The following ATPAF1 variants were observed in gnomAD, a reference collection of about 807,000 sequenced individuals.
ATPAF1 encodes the protein homolog of yeast ATP11.
ATPAF1 carries 26 observed loss-of-function variants against 43.9 expected under a neutral mutation model. The observed-to-expected ratio is 0.59, with a 90% CI of 0.43 to 0.82. ATPAF1 has a LOEUF of 0.82. Among genes scored for constraint, ATPAF1 ranks in the 40% least tolerant of loss-of-function variants. The pLI is 0.00. For synonymous variants in ATPAF1, 157 were observed against 168.0 expected, an observed-to-expected ratio of 0.93 and a Z score of 0.50; for missense variants, 366 against 435.0, an observed-to-expected ratio of 0.84 and a Z score of 1.41.
intron 6 of ATPAF1, among the ~76,000 whole-genome samples, chr1:46,651,889 C>G (rs570523931): frequency 1.4e-4 from 22 of 152,244 alleles, no homozygotes; most frequent in Non-Finnish European, 2.8e-4. Context: ...ACAGACACTT[C>G]TCAAAAGAAG....
intron 2 of ATPAF1, chr1:46,663,891 C>CCT: frequency 7.8e-7 from 1 of 1,280,982 alleles, no homozygotes. Context: ...CTGGCGCTGG[C>CCT]CTCTCCTACA....
At chr1:46,645,744 G>C (rs1055888468) in intron 6 of ATPAF1, among the ~76,000 whole-genome samples, 4 of 152,208 alleles carry the variant, frequency 2.6e-5, no homozygotes, top group African/African-American at 9.6e-5. Context: ...GAAAGCATCA[G>C]AAATACAATT....
chr1:46,665,839 CAGA>C, intron 1 of ATPAF1: 2 of 1,427,638 alleles, frequency 1.4e-6, no homozygotes, highest in Non-Finnish European at 1.8e-6. Context: ...GCCTATTTTG[CAGA>C]AGATTTAGCA....
chr1:46,637,162 A>G (rs1291437359), intron 8 of ATPAF1, among the ~76,000 whole-genome samples: 1 of 152,236 alleles, frequency 6.6e-6, no homozygotes, highest in Non-Finnish European at 1.5e-5. Flanking sequence ...GAAGGGCAGT[A>G]GCAGAGAAAT....
intron 4 of ATPAF1, among the ~76,000 whole-genome samples, chr1:46,654,438 AAAT>A (rs1676225705): frequency 6.6e-6 from 1 of 152,100 alleles, no homozygotes; most frequent in Non-Finnish European, 1.5e-5. Context: ...TAAACACTAC[AAAT>A]AATGTTAGCT....
intron 6 of ATPAF1, chr1:46,652,307 T>C (rs1676186405): frequency 3.2e-6 from 1 of 309,796 alleles, no homozygotes; most frequent in Non-Finnish European, 6.0e-6. Context: ...AGGGCTGATG[T>C]GGTAGGGAGC....
chr1:46,639,680 AG>A (rs954599371), intron 8 of ATPAF1, among the ~76,000 whole-genome samples: 2 of 152,250 alleles, frequency 1.3e-5, no homozygotes, highest in Non-Finnish European at 2.9e-5. Context: ...ATGAGTATAC[AG>A]GGGATCATAT....
chr1:46,653,783 G>C lies in ATPAF1; in HGVS notation c.540+34C>G, dbSNP rs760153942. 5 of 1,597,334 alleles carry C rather than the reference G, an allele frequency of 3.1e-6. No homozygotes were observed. In the African/African-American group the frequency reaches 4.0e-5, roughly 13 times the overall value. On this transcript the variant is annotated intron_variant, in intron 5 of 8. Transcript: ENST00000574428. The surrounding 1 kb of genome is among the most constrained non-coding windows in gnomAD (Gnocchi z 4.8). Reference sequence around the variant, plus strand: ...AGGTTAGAGAACTGACTTTCATGTTGTAACACTTTCACTTTGCCCTCCAAA... The same window carrying C: ...AGGTTAGAGAACTGACTTTCATGTTCTAACACTTTCACTTTGCCCTCCAAA...
intron 4 of ATPAF1, among the ~76,000 whole-genome samples, chr1:46,654,589 C>T (rs1676232459): frequency 1.3e-5 from 2 of 149,688 alleles, no homozygotes; most frequent in South Asian, 4.2e-4. Context: ...TACATGTGTA[C>T]AACATGCAGG....
At chr1:46,651,583 C>A (rs1362138735) in intron 6 of ATPAF1, among the ~76,000 whole-genome samples, 3 of 151,928 alleles carry the variant, frequency 2.0e-5, no homozygotes, top group Non-Finnish European at 4.4e-5. Flanking sequence ...ACACTGACTT[C>A]CACAATGGTT....
Position 46,668,020 on chromosome 1 carries a change from C to A in ATPAF1, c.266+37G>T. 2 of 1,334,386 alleles carry A rather than the reference C, an allele frequency of 1.5e-6. No individual in the cohort carries two copies. The highest frequency in any genetic ancestry group is 2.1e-5 in the South Asian group (1 of 48,336). The allele number at this position is 1,334,386 out of a possible 1,614,324, so 82.7% of individuals were successfully genotyped here. On this transcript the variant is annotated intron_variant, in intron 1 of 8. Transcript: ENST00000574428. This position sits in a 1 kb window ranked among gnomAD's most constrained non-coding sequence, Gnocchi z 4.4. ...CAGCAGCCCGGGCCGCCCCTCCTCC[C>A]GCCTCCTGCCCGCCTCCAGCCAACC...
At chr1:46,646,041 T>C (rs972996737) in intron 6 of ATPAF1, among the ~76,000 whole-genome samples, 3 of 152,078 alleles carry the variant, frequency 2.0e-5, no homozygotes, top group African/African-American at 7.2e-5. Context: ...CCAGGTGTGG[T>C]GGCATGTGCC....
chr1:46,654,839 C>T (rs1393122582), intron 4 of ATPAF1, among the ~76,000 whole-genome samples: 1 of 152,024 alleles, frequency 6.6e-6, no homozygotes, highest in East Asian at 1.9e-4. Flanking sequence ...TGGTTTCCAG[C>T]TTCATCCATG....
intron 2 of ATPAF1, among the ~76,000 whole-genome samples, chr1:46,664,317 A>G (rs1278484621): frequency 6.6e-6 from 1 of 152,224 alleles, no homozygotes; most frequent in Non-Finnish European, 1.5e-5. Context: ...AACTCTGTGA[A>G]GTAGGTACTG....
At chr1:46,633,393 G>C, downstream of ATPAF1, 1 of 213,642 alleles carries the variant, frequency 4.7e-6, no homozygotes, top group Non-Finnish European at 9.2e-6. Context: ...CTATGAGGTA[G>C]ATATTATTAT....
chr1:46,653,976 G>C lies in ATPAF1; in HGVS notation c.490-109C>G. On this transcript the variant is annotated intron_variant, in intron 4 of 8. Coordinates refer to ENST00000574428, the Ensembl canonical transcript of ATPAF1. The surrounding 1 kb of genome is among the most constrained non-coding windows in gnomAD (Gnocchi z 4.8). ...CAGAGGAATATGCTATTTGATAACAGAGAGGAAAAACCCAGTATAACGCTT... is the reference window on the plus strand; with the variant it reads ...CAGAGGAATATGCTATTTGATAACACAGAGGAAAAACCCAGTATAACGCTT... The C allele has an allele frequency of 1.0e-6, 1 of 1,001,702 alleles. No homozygotes were observed. Among genetic ancestry groups the C allele is most frequent in the Non-Finnish European group, 1.5e-6 (1 of 676,660 alleles). 62.1% of individuals were successfully genotyped at this position (1,001,702 alleles called of 1,614,324 possible). A position where few individuals can be genotyped will look rare whatever the true frequency, so the allele number is the denominator to read the frequency against.
upstream of ATPAF1, chr1:46,668,375 C>T: frequency 2.4e-6 from 3 of 1,259,644 alleles, no homozygotes; most frequent in Non-Finnish European, 3.0e-6. This position sits in a 1 kb window ranked among gnomAD's most constrained non-coding sequence, Gnocchi z 4.4. Flanking sequence ...GGCCCGCGGC[C>T]CGCGCGCCCG....
chr1:46,660,864 C>A (rs991648830), intron 2 of ATPAF1, among the ~76,000 whole-genome samples: 1 of 152,046 alleles, frequency 6.6e-6, no homozygotes, highest in African/African-American at 2.4e-5. Context: ...TTCCCTCATC[C>A]TGTACAACTT....
chr1:46,642,232 C>T (rs2148815918), intron 8 of ATPAF1, among the ~76,000 whole-genome samples: 1 of 152,252 alleles, frequency 6.6e-6, no homozygotes, highest in African/African-American at 2.4e-5. Flanking sequence ...CTCACTGTGT[C>T]CTAGGTTTGT....
Sources: allele counts gnomAD v4.1 joint callset (sites outside exome capture counted in the v4.1 genomes callset), GRCh38; gene constraint gnomAD v4.1.1; non-coding constraint Gnocchi (gnomAD v3.1); transcripts MANE v1.5; gene names NCBI Gene and HGNC (gene_info 2026-07-23, HGNC 2026-07-21).